Variants in CEP112 observed in about 807,000 individuals in gnomAD.
The protein encoded by CEP112 is centrosomal protein 112.
A neutral mutation model predicts 153.0 loss-of-function variants in CEP112; 127 were observed. The ratio of observed to expected loss-of-function variants is 0.83; its 90% CI spans 0.72 to 0.96. The LOEUF (loss-of-function observed/expected upper bound fraction) is 0.96. CEP112 is among the 40% of genes least tolerant of loss of function. CEP112 has a pLI of 0.00. For synonymous variants in CEP112, 358 were observed against 374.4 expected (o/e 0.96, Z 0.51); for missense variants, 1,089 against 1,101.2 (o/e 0.99, Z 0.16).
intron 1 of CEP112, among the ~76,000 whole-genome samples, 152 bp from the exon 2 acceptor site, chr17:66,183,459 C>T (rs1225699653): frequency 2.0e-5 from 3 of 152,142 alleles, no homozygotes; most frequent in East Asian, 3.9e-4. Context: ...AAAACCCAGC[C>T]GTATTATTTG....
rs546037161 is a variant in CEP112 at position 65,899,020 on chromosome 17, T to G, written c.2163+3132A>C. 7.9e-5 allele frequency among the ~76,000 whole-genome samples: 12 copies of G among 152,352 alleles called. 1 individual carries two copies. In the East Asian group the frequency reaches 1.9e-3, roughly 24 times the overall value. ...TCAACAGGATAAACTATAGAAATTC[T>G]TTCATTATATTATAGTTCAAAAGCA... On this transcript the variant is annotated intron_variant, in intron 20 of 26. Transcript: ENST00000535342.
chr17:66,148,349 T>A (rs1403208204), intron 4 of CEP112, among the ~76,000 whole-genome samples: 1 of 152,152 alleles, frequency 6.6e-6, no homozygotes, highest in African/African-American at 2.4e-5. Context: ...TGGGTGGGGA[T>A]ACAGCCTAAC....
intron 16 of CEP112, among the ~76,000 whole-genome samples, chr17:66,024,481 C>T (rs927704959): frequency 2.0e-5 from 3 of 151,826 alleles, no homozygotes; most frequent in Admixed American, 6.6e-5. Flanking sequence ...TTTTAGGATA[C>T]AAAATCAATG....
rs189997471 is a variant in CEP112 at position 66,044,887 on chromosome 17, A to G, written c.1218+8849T>C. 1.4e-4 allele frequency among the ~76,000 whole-genome samples: 22 copies of G among 152,296 alleles called. No individual in the cohort carries two copies. In the East Asian group the frequency reaches 3.5e-3, roughly 24 times the overall value. ...CTATTCAATAAAAAAAGAATGACGAAAAAGAATGTGATGATTTATTTGTAT... is the reference window on the plus strand; with the variant it reads ...CTATTCAATAAAAAAAGAATGACGAGAAAGAATGTGATGATTTATTTGTAT... On this transcript the variant is annotated intron_variant, in intron 12 of 26. Transcript: ENST00000535342.
At chr17:65,835,206 A>AG (rs1300982157) in intron 21 of CEP112, among the ~76,000 whole-genome samples, 3 of 151,780 alleles carry the variant, frequency 2.0e-5, no homozygotes, top group African/African-American at 7.3e-5. Flanking sequence ...AAAAAAAAAA[A>AG]AAAAGACTTA....
At chr17:65,678,525 G>T (rs549424060) in intron 24 of CEP112, among the ~76,000 whole-genome samples, 1 of 152,208 alleles carries the variant, frequency 6.6e-6, no homozygotes, top group African/African-American at 2.4e-5. Context: ...TAAACGAAAA[G>T]ACATGAGACT....
chr17:65,918,200 A>G (rs955166490), intron 19 of CEP112, among the ~76,000 whole-genome samples: 5 of 151,126 alleles, frequency 3.3e-5, no homozygotes, highest in African/African-American at 1.2e-4. Context: ...AAAAATTAAA[A>G]TTAAAATAAA....
intron 24 of CEP112, among the ~76,000 whole-genome samples, chr17:65,659,015 CAAAAAAAAAAAAA>C (rs777326885): frequency 1.8e-5 from 1 of 55,578 alleles, no homozygotes; most frequent in African/African-American, 5.8e-5. Flanking sequence ...GACTCTGTCT[CAAAAAAAAAAAAA>C]AAAAAAAAAA....
intron 17 of CEP112, among the ~76,000 whole-genome samples, chr17:65,973,778 ACGTT>A (rs2062933044): frequency 6.6e-6 from 1 of 152,122 alleles, no homozygotes; most frequent in South Asian, 2.1e-4. Context: ...GAACAAGAGA[ACGTT>A]TGGGGTGATA....
At chr17:66,051,292 CTT>C (rs1222605653) in intron 12 of CEP112, among the ~76,000 whole-genome samples, 3 of 151,110 alleles carry the variant, frequency 2.0e-5, no homozygotes, top group East Asian at 1.9e-4. Flanking sequence ...GTGTGTCTCT[CTT>C]GATTGTCATT....
intron 25 of CEP112, among the ~76,000 whole-genome samples, chr17:65,640,391 T>C (rs1360349061): frequency 2.0e-5 from 3 of 152,042 alleles, no homozygotes; most frequent in African/African-American, 7.2e-5. Flanking sequence ...TGACCTCAAA[T>C]GGTCTGCCTG....
At chr17:65,994,536 C>A (rs927295315) in intron 17 of CEP112, among the ~76,000 whole-genome samples, 11 of 152,110 alleles carry the variant, frequency 7.2e-5, no homozygotes, top group Admixed American at 3.9e-4. Context: ...GCTACATTGC[C>A]TAAGCTGGTT....
chr17:66,170,205 G>A (rs1439363015), intron 4 of CEP112, among the ~76,000 whole-genome samples: 4 of 152,146 alleles, frequency 2.6e-5, no homozygotes, highest in Non-Finnish European at 5.9e-5. Context: ...CACTCAAGGG[G>A]AGGGGATTAT....
At chr17:66,070,388 AT>A (rs557808387) in intron 8 of CEP112, among the ~76,000 whole-genome samples, 55 of 151,148 alleles carry the variant, frequency 3.6e-4, no homozygotes, top group South Asian at 1.0e-3. Context: ...CCAACCTTTT[AT>A]TTTTTTTTCT....
At chr17:66,007,033 C>CCTATCTT (rs1328038952) in intron 16 of CEP112, among the ~76,000 whole-genome samples, 1 of 152,124 alleles carries the variant, frequency 6.6e-6, no homozygotes, top group Admixed American at 6.5e-5. Flanking sequence ...TAACTCAAAC[C>CCTATCTT]CTATCTTTAA....
intron 8 of CEP112, among the ~76,000 whole-genome samples, chr17:66,075,065 A>T (rs2067442034): frequency 6.6e-6 from 1 of 152,086 alleles, no homozygotes; most frequent in African/African-American, 2.4e-5. Flanking sequence ...AAATAGTAAA[A>T]GGTATTCTTA....
intron 12 of CEP112, among the ~76,000 whole-genome samples, chr17:66,042,095 T>A (rs928158713): frequency 2.0e-5 from 3 of 152,180 alleles, no homozygotes; most frequent in Non-Finnish European, 4.4e-5. Flanking sequence ...ATGCCTGTAA[T>A]CCCAGCACTT....
intron 21 of CEP112, among the ~76,000 whole-genome samples, chr17:65,752,946 T>C (rs1239088216): frequency 6.6e-6 from 1 of 152,242 alleles, no homozygotes; most frequent in Non-Finnish European, 1.5e-5. Flanking sequence ...TCAATTTATC[T>C]GGGCTACAGG....
At chr17:65,883,045 T>C (rs902353359) in intron 20 of CEP112, among the ~76,000 whole-genome samples, 6 of 152,114 alleles carry the variant, frequency 3.9e-5, no homozygotes, top group African/African-American at 7.2e-5. Flanking sequence ...CTTTTAGGCA[T>C]AGGGTATACA....
Sources: allele counts gnomAD v4.1 joint callset (sites outside exome capture counted in the v4.1 genomes callset), GRCh38; gene constraint gnomAD v4.1.1; transcripts MANE v1.5; gene names NCBI Gene and HGNC (gene_info 2026-07-23, HGNC 2026-07-21).